FBXL7: variants seen among roughly 807,000 people sequenced by gnomAD.
The protein encoded by FBXL7 is F-box and leucine rich repeat protein 7, also known as F-box/LRR-repeat protein 7.
Under a neutral mutation model 38.3 loss-of-function variants are expected in FBXL7, and 12 were observed. That is an observed-to-expected ratio of 0.31 (90% confidence interval 0.20 to 0.51). FBXL7 has a LOEUF of 0.51. Among genes scored for constraint, FBXL7 ranks in the 20% least tolerant of loss-of-function variants. The pLI is 0.98. For missense variants in FBXL7, 567 were observed against 676.4 expected, an observed-to-expected ratio of 0.84 and a Z score of 1.79; for synonymous variants, 297 against 300.9, an observed-to-expected ratio of 0.99 and a Z score of 0.13.
rs565237824 is a variant in FBXL7, at chr5:15,565,408, C to A, written c.38-50575C>A. Among the ~76,000 whole-genome samples the A allele has an allele frequency of 2.0e-5, 3 of 151,716 alleles. No homozygotes were observed. In the East Asian group the frequency reaches 5.8e-4, roughly 29 times the overall value. The stretch of plus-strand genomic sequence containing the variant: ...AGAAAATGGGGTCTTTGTTAGAGAC[C>A]CTCTAGGTCATGTTGTATTAGTCAG... On this transcript the variant is annotated intron_variant, in intron 1 of 3. Coordinates refer to ENST00000504595, the MANE Select transcript of FBXL7 (RefSeq NM_012304.5).
intron 2 of FBXL7, among the ~76,000 whole-genome samples, chr5:15,701,148 G>A (rs1466773246): frequency 6.6e-6 from 1 of 152,028 alleles, no homozygotes; most frequent in Non-Finnish European, 1.5e-5. Flanking sequence ...GATATTTTTG[G>A]TTTTTCACTC....
intron 2 of FBXL7, among the ~76,000 whole-genome samples, chr5:15,641,068 A>C (rs566661053): frequency 6.6e-6 from 1 of 152,196 alleles, no homozygotes; most frequent in East Asian, 1.9e-4. Flanking sequence ...GCTTGCTAAT[A>C]CACCCCCAGA....
chr5:15,692,605 G>C (rs560778750), intron 2 of FBXL7, among the ~76,000 whole-genome samples: 19 of 152,214 alleles, frequency 1.2e-4, no homozygotes, highest in African/African-American at 4.3e-4. Flanking sequence ...TTTTACCCCT[G>C]GCCATAGAAG....
chr5:15,770,537 A>AG (rs1264631724), intron 2 of FBXL7, among the ~76,000 whole-genome samples: 1 of 152,174 alleles, frequency 6.6e-6, no homozygotes, highest in African/African-American at 2.4e-5. Context: ...GCCAGTGGCG[A>AG]GGCAATAAAC....
chr5:15,602,324 C>G (rs1276077525), intron 1 of FBXL7: 1 of 151,950 alleles, frequency 6.6e-6, no homozygotes, highest in Non-Finnish European at 1.5e-5. Flanking sequence ...TAAAAACTCT[C>G]TTGTTTCTTG....
rs193242098 is a variant in FBXL7, at chr5:15,886,310, G to A, written c.128-41580G>A. Among the ~76,000 whole-genome samples, 50 of 152,038 alleles carry A rather than the reference G, an allele frequency of 3.3e-4. 4 individuals carry two copies. In the East Asian group the frequency reaches 9.7e-3, roughly 30 times the overall value. ...CTGTGTGTATGCATGTGTGTGAGTG[G>A]CCATGCATATTTTTACAGTGAGAAC... On this transcript the variant is annotated intron_variant, in intron 2 of 3. Transcript: ENST00000504595.
intron 2 of FBXL7, among the ~76,000 whole-genome samples, chr5:15,837,942 G>A (rs898931528): frequency 3.3e-5 from 5 of 152,108 alleles, no homozygotes; most frequent in African/African-American, 1.2e-4. Context: ...AACTATAAAT[G>A]GATAAATAAG....
At chr5:15,661,249 T>C (rs1742057710) in intron 2 of FBXL7, among the ~76,000 whole-genome samples, 2 of 152,218 alleles carry the variant, frequency 1.3e-5, no homozygotes, top group South Asian at 4.1e-4. Flanking sequence ...ATGGGTTGAC[T>C]TGGATCCTGT....
chr5:15,882,967 A>AG (rs1273319159), intron 2 of FBXL7, among the ~76,000 whole-genome samples: 2 of 26,474 alleles, frequency 7.6e-5, no homozygotes, highest in Non-Finnish European at 1.5e-4. Flanking sequence ...TAATCATTTT[A>AG]GAAAAAAAAA....
At chr5:15,835,042 T>G (rs1738558533) in intron 2 of FBXL7, among the ~76,000 whole-genome samples, 1 of 152,228 alleles carries the variant, frequency 6.6e-6, no homozygotes, top group Non-Finnish European at 1.5e-5. Flanking sequence ...CATATTTTAA[T>G]GGTTACTTTT....
chr5:15,871,531 A>G (rs1158869122), intron 2 of FBXL7, among the ~76,000 whole-genome samples: 1 of 152,212 alleles, frequency 6.6e-6, no homozygotes, highest in Non-Finnish European at 1.5e-5. Flanking sequence ...TTCTAACCCA[A>G]TGCAAGGAAG....
At chr5:15,676,990 A>G (rs189368099) in intron 2 of FBXL7, among the ~76,000 whole-genome samples, 1 of 152,320 alleles carries the variant, frequency 6.6e-6, no homozygotes, top group Admixed American at 6.5e-5. Context: ...TAAAAGCAGC[A>G]CTTTCTAATG....
intron 2 of FBXL7, among the ~76,000 whole-genome samples, chr5:15,641,148 T>C (rs1435784926): frequency 6.6e-6 from 1 of 152,190 alleles, no homozygotes; most frequent in Non-Finnish European, 1.5e-5. Flanking sequence ...CAGAAATCCA[T>C]TATCTGTTTC....
chr5:15,647,438 C>CATCTGTCTCAAATAGTAGA (rs1258004166), intron 2 of FBXL7, among the ~76,000 whole-genome samples: 1 of 152,112 alleles, frequency 6.6e-6, no homozygotes, highest in African/African-American at 2.4e-5. Flanking sequence ...GTCAGAGTTC[C>CATCTGTCTCAAATAGTAGA]ATCTGTCTCA....
chr5:15,871,065 T>G lies in FBXL7; in HGVS notation c.128-56825T>G, dbSNP rs368183907. 1.2e-4 allele frequency among the ~76,000 whole-genome samples: 18 copies of G among 152,306 alleles called. 1 individual carries two copies. Among genetic ancestry groups the G allele is most frequent in the African/African-American group, 3.4e-4 (14 of 41,580 alleles). ...CAAACACCTCATACAGGAGAGCTCTTGCTGGCATCTGGCAGGTGTCCCTCT... is the reference window on the plus strand; with the variant it reads ...CAAACACCTCATACAGGAGAGCTCTGGCTGGCATCTGGCAGGTGTCCCTCT... On this transcript the variant is annotated intron_variant, in intron 2 of 3. Coordinates refer to ENST00000504595, the MANE Select transcript of FBXL7 (RefSeq NM_012304.5).
chr5:15,814,562 A>G (rs1349156040), intron 2 of FBXL7, among the ~76,000 whole-genome samples: 1 of 152,108 alleles, frequency 6.6e-6, no homozygotes, highest in African/African-American at 2.4e-5. Flanking sequence ...CCCAGAACTT[A>G]AAGTATATAT....
At chr5:15,680,817 C>G (rs1188073840) in intron 2 of FBXL7, among the ~76,000 whole-genome samples, 2 of 152,170 alleles carry the variant, frequency 1.3e-5, no homozygotes, top group Non-Finnish European at 2.9e-5. Context: ...AGTGCCTTCT[C>G]TCTTCATAAA....
At chr5:15,868,003 C>T (rs1369374984) in intron 2 of FBXL7, among the ~76,000 whole-genome samples, 1 of 150,940 alleles carries the variant, frequency 6.6e-6, no homozygotes, top group African/African-American at 2.4e-5. Context: ...ACTTAGGAGG[C>T]TGAGGCAGGA....
chr5:15,651,304 G>A lies in FBXL7; in HGVS notation c.127+35232G>A, dbSNP rs181488962. Among the ~76,000 whole-genome samples, 68 of 152,106 alleles carry A rather than the reference G, an allele frequency of 4.5e-4. 1 individual carries two copies. The Middle Eastern group carries it at 0.01, about 23-fold the overall frequency. ...GTAGAGACGGGGTTTCACCATGTTA[G>A]CCAGGATAGTCTCCATCTCCTGACC... is the stretch of plus-strand genomic sequence containing the variant. On this transcript the variant is annotated intron_variant, in intron 2 of 3. Transcript: ENST00000504595.
Sources: allele counts gnomAD v4.1 joint callset (sites outside exome capture counted in the v4.1 genomes callset), GRCh38; gene constraint gnomAD v4.1.1; transcripts MANE v1.5; gene names NCBI Gene and HGNC (gene_info 2026-07-23, HGNC 2026-07-21).